The following AREL1 variants were observed in gnomAD, a reference collection of about 807,000 sequenced individuals.
AREL1 encodes the protein apoptosis-resistant E3 ubiquitin protein ligase 1.
In AREL1, 62 loss-of-function variants were observed where a neutral mutation model predicts 99.0. That is an observed-to-expected ratio of 0.63 (90% CI 0.51 to 0.77). The LOEUF (loss-of-function observed/expected upper bound fraction) is 0.77. Among genes scored for constraint, AREL1 ranks in the 30% least tolerant of loss-of-function variants. The pLI is 0.00. For synonymous variants in AREL1, 380 were observed against 376.5 expected (o/e 1.01, Z -0.11); for missense variants, 879 against 1,027.6 (o/e 0.86, Z 1.98).
intron 1 of AREL1, among the ~76,000 whole-genome samples, chr14:74,692,600 T>G (rs77287217): frequency 0.02 from 2,993 of 152,252 alleles, 84 homozygotes; most frequent in African/African-American, 0.067. Flanking sequence ...CTTCCTTCAG[T>G]TCACTGTCCC....
At chr14:74,677,498 TC>T (rs1177191416) in intron 5 of AREL1, among the ~76,000 whole-genome samples, 5 of 122,706 alleles carry the variant, frequency 4.1e-5, no homozygotes, top group Admixed American at 9.3e-5. Flanking sequence ...CCTGTCTCTC[TC>T]CTTTTTTTTT....
chr14:74,707,384 C>T (rs920984792), intron 1 of AREL1, among the ~76,000 whole-genome samples: 26 of 150,956 alleles, frequency 1.7e-4, no homozygotes, highest in African/African-American at 4.1e-4. Context: ...AAAAAGAGGC[C>T]GGGCACAGTG....
Position 74,675,751 on chromosome 14 carries a change from G to T in AREL1, c.1028C>A (p.Thr343Asn), listed in dbSNP as rs1385781037. 1 of 1,614,176 alleles carries T rather than the reference G, an allele frequency of 6.2e-7. No individual in the cohort carries two copies. The highest frequency in any genetic ancestry group is 1.7e-5 in the Admixed American group (1 of 60,018). ...EDEDSPSECH[T>N]PEKVKKPKKV... is the part of the protein sequence containing the mutation. ...CTTCGGTTTCTTCACCTTCTCAGGG[G>T]TGTGGCACTCAGAGGGCGAGTCTTC... is the stretch of plus-strand genomic sequence containing the variant. Residue 343 changes from threonine to asparagine, a missense_variant, in exon 8 of 20, where the codon ACC (threonine) becomes AAC (asparagine). Thr to Asn is a moderately conservative substitution (Grantham distance 65, BLOSUM62 0). Transcript: ENST00000356357.
At position 74,672,872 on chromosome 14, in the gene AREL1, T is replaced by C. The variant is rs774264865; in HGVS notation, c.1381A>G (p.Lys461Glu). Residue 461 changes from lysine to glutamate, a missense_variant, in exon 11 of 20, where the codon AAA (lysine) becomes GAA (glutamate). Lys to Glu is a moderately conservative substitution (Grantham distance 56, BLOSUM62 1). Coordinates refer to ENST00000356357, the MANE Select transcript of AREL1 (RefSeq NM_001039479.2). ...TGTCTGCTGACCTTCAGGGTGACTT[T>C]GGAATGTGGTCTTTTCATATGTACC... is the stretch of plus-strand genomic sequence containing the variant. Reference protein sequence around the residue: ...RQVHMKRPHSKVTLKVSRHAL... With the variant: ...RQVHMKRPHSEVTLKVSRHAL... 1.2e-6 allele frequency: 2 copies of C among 1,614,100 alleles called. No individual in the cohort carries two copies. The highest frequency in any genetic ancestry group is 2.2e-5 in the East Asian group (1 of 44,904).
chr14:74,700,881 A>G (rs1236461452), intron 1 of AREL1, among the ~76,000 whole-genome samples: 1 of 152,236 alleles, frequency 6.6e-6, no homozygotes, highest in East Asian at 1.9e-4. Context: ...TAACCGAGAG[A>G]GAAAAAGGAT....
intron 1 of AREL1, among the ~76,000 whole-genome samples, chr14:74,707,668 C>T (rs184967530): frequency 4.6e-4 from 70 of 152,098 alleles, no homozygotes; most frequent in African/African-American, 1.6e-3. Context: ...GTGGTGGGCG[C>T]CTGTAGTCCC....
chr14:74,705,588 G>T (rs1416771135), intron 1 of AREL1, among the ~76,000 whole-genome samples: 2 of 151,924 alleles, frequency 1.3e-5, no homozygotes, highest in African/African-American at 4.8e-5. Context: ...GCTTTAACGA[G>T]AGTCTTTTAT....
chr14:74,693,343 G>GA lies in AREL1; in HGVS notation c.-333-1016dup, dbSNP rs1344625818. On this transcript the variant is annotated intron_variant, in intron 1 of 19. Coordinates refer to ENST00000356357, the MANE Select transcript of AREL1 (RefSeq NM_001039479.2). ...TAAAATCTGCTACTACGAGTCAGGG[G>GA]AAAATCTGTGAACTTTCAAAATAAA... Among the ~76,000 whole-genome samples, 4 of 152,130 alleles carry GA rather than the reference G, an allele frequency of 2.6e-5. No homozygotes were observed. The South Asian group carries it at 8.3e-4, about 32-fold the overall frequency.
chr14:74,698,858 TAAAAAAA>T (rs547639633), intron 1 of AREL1: 2 of 109,428 alleles, frequency 1.8e-5, no homozygotes, highest in Non-Finnish European at 1.9e-5. Flanking sequence ...ATCCCATCTC[TAAAAAAA>T]AAAAAAAAAA....
chr14:74,673,757 T>C (rs890103893), intron 9 of AREL1, among the ~76,000 whole-genome samples: 5 of 152,216 alleles, frequency 3.3e-5, no homozygotes, highest in Admixed American at 6.5e-5. Flanking sequence ...GTTACAAACA[T>C]CTTCTCTATT....
chr14:74,683,565 CA>C, intron 4 of AREL1, 32 bp from the exon 5 acceptor site: 1 of 1,601,768 alleles, frequency 6.2e-7, no homozygotes, highest in Non-Finnish European at 8.5e-7. Context: ...CACCTGTTAG[CA>C]AGCAGAGGAA....
chr14:74,665,667 T>A (rs1349874919), intron 17 of AREL1, among the ~76,000 whole-genome samples: 3 of 152,178 alleles, frequency 2.0e-5, no homozygotes, highest in African/African-American at 7.2e-5. Flanking sequence ...TCAGATACAT[T>A]TAAAAGTATG....
At chr14:74,670,526 T>A in intron 13 of AREL1, 1 of 495,280 alleles carries the variant, frequency 2.0e-6, no homozygotes, top group Non-Finnish European at 3.6e-6. Context: ...GAGTAGACAT[T>A]ATACTATAAT....
At chr14:74,668,161 A>T (rs2089249739) in intron 15 of AREL1, among the ~76,000 whole-genome samples, 1 of 152,160 alleles carries the variant, frequency 6.6e-6, no homozygotes, top group African/African-American at 2.4e-5. Context: ...ACCTTAGGGG[A>T]AATTATTTGG....
chr14:74,685,931 C>T (rs2089738297), intron 2 of AREL1, among the ~76,000 whole-genome samples: 1 of 152,232 alleles, frequency 6.6e-6, no homozygotes, highest in Non-Finnish European at 1.5e-5. Flanking sequence ...TTTCAAAATG[C>T]AGTAACATGG....
chr14:74,667,771 A>C (rs762814265), intron 15 of AREL1, among the ~76,000 whole-genome samples, 177 bp from the exon 16 acceptor site: 1 of 152,202 alleles, frequency 6.6e-6, no homozygotes, highest in Non-Finnish European at 1.5e-5. Flanking sequence ...CCTAAGCTTC[A>C]GGGTTCCTAC....
chr14:74,691,324 TAAAAAA>T (rs11407786), intron 2 of AREL1, among the ~76,000 whole-genome samples: 1 of 72,808 alleles, frequency 1.4e-5, no homozygotes, highest in Non-Finnish European at 2.4e-5. Context: ...TGTCTCCATT[TAAAAAA>T]AAAAAAAAAA....
At position 74,669,473 on chromosome 14, in the gene AREL1, G is replaced by C. The variant is rs78399573; in HGVS notation, c.1914+176C>G. Among the ~76,000 whole-genome samples, 268 of 152,234 alleles carry C rather than the reference G, an allele frequency of 1.8e-3. 1 individual carries two copies. Among genetic ancestry groups the C allele is most frequent in the African/African-American group, 6.2e-3 (256 of 41,538 alleles). On this transcript the variant is annotated intron_variant, in intron 15 of 19. Transcript: ENST00000356357. ...GCAGCTGCTAGCCAAGTGTAGTTAT[G>C]TAAGTATACATTAACTAAAATGAGA...
At position 74,672,911 on chromosome 14, in the gene AREL1, G is replaced by C; in HGVS notation, c.1342C>G (p.Arg448Gly). Reference protein sequence around the residue: ...TFQDKVNFFQRELRQVHMKRP... With the variant: ...TFQDKVNFFQGELRQVHMKRP... ...TTCATATGTACCTGCCGAAGCTCTC[G>C]CTGGAAAAAGTTCACCTTGTCCTGA... Residue 448 changes from arginine (R) to glycine (G), a missense_variant, in exon 11 of 20, where the codon CGA becomes GGA. Transcript: ENST00000356357. 6.2e-7 allele frequency: 1 copy of C among 1,614,072 alleles called. No individual in the cohort carries two copies. The highest frequency in any genetic ancestry group is 2.2e-5 in the East Asian group (1 of 44,882).
Sources: allele counts gnomAD v4.1 joint callset (sites outside exome capture counted in the v4.1 genomes callset), GRCh38; gene constraint gnomAD v4.1.1; transcripts MANE v1.5; gene names NCBI Gene and HGNC (gene_info 2026-07-23, HGNC 2026-07-21).